The following XPOT variants were observed in gnomAD, a reference collection of about 807,000 sequenced individuals.
XPOT encodes the protein exportin-T.
Under a neutral mutation model 128.2 loss-of-function variants are expected in XPOT, and 34 were observed. The observed-to-expected ratio is 0.27, with a 90% CI of 0.20 to 0.35. XPOT has a LOEUF of 0.35. Ranked by LOEUF, XPOT falls within the 10% of genes least tolerant of loss-of-function variation. The probability of loss-of-function intolerance (pLI) is 1.00; values close to 1 mark genes in which losing one functional copy is unlikely to be tolerated. For synonymous variants in XPOT, 348 were observed against 394.3 expected (o/e 0.88, Z 1.39); for missense variants, 838 against 1,125.3 (o/e 0.74, Z 3.65).
intron 15 of XPOT, among the ~76,000 whole-genome samples, chr12:64,426,371 CA>C (rs2040192809): frequency 6.7e-6 from 1 of 149,904 alleles, no homozygotes; most frequent in Non-Finnish European, 1.5e-5. Context: ...TAACAAAGAA[CA>C]AAATCATGTC....
chr12:64,416,755 G>C lies in XPOT; in HGVS notation c.200+1G>C. The C allele has an allele frequency of 6.2e-7, 1 of 1,612,252 alleles. No homozygotes were observed. Reference sequence around the variant, plus strand: ...TACTGGAACATCAAGTTAAATACAAGTAAGGCTTTTCTTACTGTTTTGACT... The same window carrying C: ...TACTGGAACATCAAGTTAAATACAACTAAGGCTTTTCTTACTGTTTTGACT... On this transcript the variant is annotated splice_donor_variant, in intron 4 of 24. Coordinates refer to ENST00000332707, the MANE Select transcript of XPOT (RefSeq NM_007235.6). LOFTEE classifies it high-confidence loss of function.
At chr12:64,407,826 C>T (rs1466393142) in intron 1 of XPOT, among the ~76,000 whole-genome samples, 1 of 152,116 alleles carries the variant, frequency 6.6e-6, no homozygotes, top group Non-Finnish European at 1.5e-5. Context: ...AGTTACACTG[C>T]CTTGAAGTCT....
chr12:64,430,482 T>C (rs1013153903), intron 17 of XPOT, among the ~76,000 whole-genome samples, 195 bp downstream of exon 17: 1 of 152,236 alleles, frequency 6.6e-6, no homozygotes, highest in South Asian at 2.1e-4. Flanking sequence ...ATTTTTGCCT[T>C]GACAACTGTA....
intron 16 of XPOT, among the ~76,000 whole-genome samples, chr12:64,429,084 A>T: frequency 6.6e-6 from 1 of 152,212 alleles, no homozygotes; most frequent in Non-Finnish European, 1.5e-5. Flanking sequence ...GATCACAAGA[A>T]ATTTTATGTT....
chr12:64,440,978 A>G (rs932333566), intron 23 of XPOT, among the ~76,000 whole-genome samples: 5 of 152,148 alleles, frequency 3.3e-5, no homozygotes, highest in Non-Finnish European at 7.4e-5. Flanking sequence ...AGCCCCACTA[A>G]TGTAGCTTTT....
intron 19 of XPOT, 102 bp downstream of exon 19, chr12:64,433,705 G>A (rs1460222156): frequency 8.4e-7 from 1 of 1,191,274 alleles, no homozygotes; most frequent in Non-Finnish European, 1.1e-6. Flanking sequence ...AAATTTTGAA[G>A]TTTGCTATCC....
In XPOT at chr12:64,435,743, A is replaced by G. The variant is rs2040277171; in HGVS notation, c.2733+69A>G. 6 of 1,451,820 alleles carry G rather than the reference A, an allele frequency of 4.1e-6. No homozygotes were observed. The South Asian group carries it at 5.5e-5, about 13-fold the overall frequency. The allele number at this position is 1,451,820 out of a possible 1,614,324, so 89.9% of individuals were successfully genotyped here. ...GGTATTATTATCTTGTTCTTGAAAG[A>G]TGTATCTTGTGTAAAATTTAACTTT... On this transcript the variant is annotated intron_variant, in intron 22 of 24. Transcript: ENST00000332707.
chr12:64,419,928 T>C (rs1425412125), intron 6 of XPOT, 142 bp from the exon 7 acceptor site: 1 of 637,838 alleles, frequency 1.6e-6, no homozygotes, highest in African/African-American at 1.9e-5. Flanking sequence ...AATCACAGGA[T>C]ATGATCTTAG....
intron 15 of XPOT, among the ~76,000 whole-genome samples, chr12:64,426,791 T>A (rs1213628677): frequency 3.9e-5 from 6 of 152,124 alleles, no homozygotes; most frequent in Non-Finnish European, 5.9e-5. Flanking sequence ...GAGACTAGCC[T>A]GGCCAACATG....
At chr12:64,407,059 G>A (rs1232637253) in intron 1 of XPOT, among the ~76,000 whole-genome samples, 2 of 152,114 alleles carry the variant, frequency 1.3e-5, no homozygotes, top group African/African-American at 4.8e-5. Flanking sequence ...CTCAGGTTTT[G>A]TAAGTTGTCC....
At chr12:64,420,922 T>C (rs2040132220) in intron 8 of XPOT, among the ~76,000 whole-genome samples, 1 of 152,196 alleles carries the variant, frequency 6.6e-6, no homozygotes. Flanking sequence ...TGTCTCAGCC[T>C]TCCGAGTAGC....
chr12:64,416,757 A>G lies in XPOT; in HGVS notation c.200+3A>G, dbSNP rs766398932. The G allele has an allele frequency of 6.2e-7, 1 of 1,611,662 alleles. No homozygotes were observed. The highest frequency in any genetic ancestry group is 8.5e-7 in the Non-Finnish European group (1 of 1,178,682). On this transcript the variant is annotated splice_donor_region_variant and intron_variant, in intron 4 of 24. Coordinates refer to ENST00000332707, the MANE Select transcript of XPOT (RefSeq NM_007235.6). ...CTGGAACATCAAGTTAAATACAAGT[A>G]AGGCTTTTCTTACTGTTTTGACTCA...
intron 22 of XPOT, 80 bp from the exon 23 acceptor site, chr12:64,439,164 T>A (rs2040305578): frequency 1.5e-6 from 2 of 1,327,002 alleles, no homozygotes; most frequent in Non-Finnish European, 1.1e-6. Context: ...GCCTTTAAAG[T>A]GTACATGTAT....
chr12:64,433,712 A>C (rs572545480), intron 19 of XPOT, 109 bp downstream of exon 19: 5 of 1,067,394 alleles, frequency 4.7e-6, no homozygotes, highest in Middle Eastern at 2.3e-4. Context: ...GAAGTTTGCT[A>C]TCCCATGGGA....
chr12:64,407,048 T>TC, intron 1 of XPOT, among the ~76,000 whole-genome samples: 1 of 152,296 alleles, frequency 6.6e-6, no homozygotes, highest in Admixed American at 6.5e-5. Flanking sequence ...GAAAGGGTTC[T>TC]CTCAGGTTTT....
rs1317231030 is a variant in XPOT at position 64,450,608 on chromosome 12, A to G, written c.*2477A>G. ...TCTTCATGTTATATAATCATGCATAACTTCTATCTTCATTCTCTGAAGTTG... is the reference window on the plus strand; with the variant it reads ...TCTTCATGTTATATAATCATGCATAGCTTCTATCTTCATTCTCTGAAGTTG... On this transcript the variant is annotated 3_prime_UTR_variant, in exon 25 of 25. Coordinates refer to ENST00000332707, the MANE Select transcript of XPOT (RefSeq NM_007235.6). 1 of 152,200 alleles carries G rather than the reference A, an allele frequency of 6.6e-6. No individual in the cohort carries two copies. The highest frequency in any genetic ancestry group is 1.5e-5 in the Non-Finnish European group (1 of 68,036). 9.4% of individuals were successfully genotyped at this position (152,200 alleles called of 1,614,324 possible).
chr12:64,433,465 AT>A lies in XPOT; in HGVS notation c.2319del (p.Phe773LeufsTer17). 1 of 1,602,492 alleles carries A rather than the reference AT, an allele frequency of 6.2e-7. No individual in the cohort carries two copies. The highest frequency in any genetic ancestry group is 8.5e-7 in the Non-Finnish European group (1 of 1,172,532). ...QQMFMPLLHA[I>X]FEVLLRPAEE... ...GATGTTCATGCCCCTGCTTCATGCA[AT>A]TTTTGAAGTGCTGCTCCGGCCAGCA... is the stretch of plus-strand genomic sequence containing the variant. On this transcript the variant is annotated frameshift_variant, in exon 19 of 25. Coordinates refer to ENST00000332707, the MANE Select transcript of XPOT (RefSeq NM_007235.6). LOFTEE classifies it high-confidence loss of function.
At chr12:64,435,014 CT>C in intron 21 of XPOT, 105 bp downstream of exon 21, 2 of 955,786 alleles carry the variant, frequency 2.1e-6, no homozygotes, top group Non-Finnish European at 3.1e-6. Flanking sequence ...TTTTTTTTAA[CT>C]TAGTGATTTC....
At chr12:64,444,907 A>C (rs2040355674) in intron 23 of XPOT, among the ~76,000 whole-genome samples, 168 bp from the exon 24 acceptor site, 1 of 150,554 alleles carries the variant, frequency 6.6e-6, no homozygotes, top group African/African-American at 2.4e-5. Flanking sequence ...TAGGAGTTGG[A>C]GGCTACAGTG....
Sources: gnomAD v4.1 joint callset for allele counts (sites outside exome capture counted in the v4.1 genomes callset) on GRCh38, gnomAD v4.1.1 for gene constraint, MANE v1.5 for transcripts, NCBI Gene and HGNC (gene_info 2026-07-23, HGNC 2026-07-21) for gene names.